Variants in PDZD4 observed in about 807,000 individuals in gnomAD.
PDZD4 encodes the protein PDZ domain containing 4, also known as PDZ domain-containing protein 4.
A neutral mutation model predicts 38.5 loss-of-function variants in PDZD4; 9 were observed. The ratio of observed to expected loss-of-function variants is 0.23; its 90% CI spans 0.14 to 0.41. The LOEUF (loss-of-function observed/expected upper bound fraction) is 0.41, where lower values mean the gene tolerates loss of function less well. Ranked by LOEUF, PDZD4 falls within the 10% of genes least tolerant of loss-of-function variation. The pLI is 1.00. For synonymous variants in PDZD4, 349 were observed against 315.7 expected, an observed-to-expected ratio of 1.11 and a Z score of -1.12; for missense variants, 612 against 722.0, an observed-to-expected ratio of 0.85 and a Z score of 1.75.
chrX:153,807,025 G>A (rs1029516770), intron 3 of PDZD4, among the ~76,000 whole-genome samples, 185 bp from the exon 4 acceptor site: 1 of 112,278 alleles, frequency 8.9e-6, no homozygotes, highest in Non-Finnish European at 1.9e-5. Context: ...ACCATCCCAC[G>A]TGGCGCACGT....
In PDZD4 at chrX:153,806,548, C is replaced by A. The variant is rs181412873; in HGVS notation, c.504+194G>T. On this transcript the variant is annotated intron_variant, in intron 4 of 7. Coordinates refer to ENST00000393758, the MANE Select transcript of PDZD4 (RefSeq NM_001303512.2). ...TTCTCAGGCCCATCTGCTGTCCCAC[C>A]CAGGCACAGGCCTCTTTCTGCAGAT... Among the ~76,000 whole-genome samples the A allele has an allele frequency of 1.2e-4, 14 of 112,668 alleles. No homozygotes were observed. In the East Asian group the frequency reaches 3.9e-3, roughly 32 times the overall value.
intron 1 of PDZD4, among the ~76,000 whole-genome samples, chrX:153,826,748 C>G (rs1325385275): frequency 9.0e-6 from 1 of 111,532 alleles, no homozygotes; most frequent in East Asian, 2.8e-4. Context: ...AATGAGAAGG[C>G]TGAAAGTAAA....
At position 153,802,713 on chromosome X, in the gene PDZD4, C is replaced by A. The variant is rs1471158325; in HGVS notation, c.*640G>T. ...CCTTCCCTCCCATCCATCCCCAGCC[C>A]TCCCTCCCACTCTTCCTCCCCAACT... is the stretch of plus-strand genomic sequence containing the variant. On this transcript the variant is annotated 3_prime_UTR_variant, in exon 8 of 8. Transcript: ENST00000393758. 9.0e-6 allele frequency: 1 copy of A among 110,698 alleles called. No homozygotes were observed. Among genetic ancestry groups the A allele is most frequent in the African/African-American group, 3.3e-5 (1 of 30,305 alleles). 9.1% of individuals were successfully genotyped at this position (110,698 alleles called of 1,213,427 possible).
chrX:153,824,477 CG>C (rs1429157444), intron 1 of PDZD4, among the ~76,000 whole-genome samples: 3 of 111,025 alleles, frequency 2.7e-5, no homozygotes, highest in Non-Finnish European at 5.7e-5. Context: ...GCTGGTGAGG[CG>C]GGGAGGCAGA....
chrX:153,824,933 G>A (rs1361794718), intron 1 of PDZD4, among the ~76,000 whole-genome samples: 1 of 112,347 alleles, frequency 8.9e-6, no homozygotes, highest in Non-Finnish European at 1.9e-5. Context: ...TGGAGGCGGA[G>A]GTTTTGGTGA....
chrX:153,824,637 G>A (rs782220783), intron 1 of PDZD4, among the ~76,000 whole-genome samples: 1 of 111,612 alleles, frequency 9.0e-6, no homozygotes, highest in South Asian at 3.7e-4. Context: ...CCACGCTCCC[G>A]CACTCAAGCA....
intron 1 of PDZD4, among the ~76,000 whole-genome samples, chrX:153,827,143 G>A (rs1238412150): frequency 8.9e-6 from 1 of 112,213 alleles, no homozygotes; most frequent in Non-Finnish European, 1.9e-5. Context: ...TTCTAAAGAA[G>A]ATCCACAAAT....
In PDZD4 at chrX:153,803,346, G is replaced by T; in HGVS notation, c.*7C>A. The T allele has an allele frequency of 8.9e-7, 1 of 1,129,378 alleles. No homozygotes were observed. The highest frequency in any genetic ancestry group is 1.2e-6 in the Non-Finnish European group (1 of 860,128). The allele number at this position is 1,129,378 out of a possible 1,213,427, so 93.1% of individuals were successfully genotyped here. On this transcript the variant is annotated 3_prime_UTR_variant, in exon 8 of 8. Transcript: ENST00000393758. The stretch of plus-strand genomic sequence containing the variant: ...CTGGGCCTGGGCCGTGTACCCGCCC[G>T]GGCAGCTCACACGGTGGTGACTGAG...
At chrX:153,816,607 C>G (rs782124517) in intron 1 of PDZD4, among the ~76,000 whole-genome samples, 1 of 111,575 alleles carries the variant, frequency 9.0e-6, no homozygotes, top group African/African-American at 3.3e-5. Flanking sequence ...ACACACCCCC[C>G]ATCCCGTTCC....
intron 1 of PDZD4, among the ~76,000 whole-genome samples, chrX:153,812,630 A>G (rs1470251542): frequency 1.8e-5 from 2 of 110,496 alleles, no homozygotes; most frequent in African/African-American, 3.3e-5. Context: ...TCTCCTCCTC[A>G]TCGGTCATGC....
In PDZD4 at chrX:153,803,702, C is replaced by G; in HGVS notation, c.1979G>C (p.Arg660Pro). ...GGTCGTCATACCGCTGCGCTCCTCC[C>G]GGATCTTCAGGGCACGGGCTTTCAG... Reference protein sequence around the residue: ...RLLKARALKIREERSGMTTDD... With the variant: ...RLLKARALKIPEERSGMTTDD... The change falls in exon 8 of 8, where the codon CGG becomes CCG. Residue 660 changes from arginine to proline, a missense_variant. By Grantham distance (103) the Arg-to-Pro change is moderately radical. Transcript: ENST00000393758. The G allele has an allele frequency of 8.3e-7, 1 of 1,210,347 alleles. No individual in the cohort carries two copies. Among genetic ancestry groups the G allele is most frequent in the Non-Finnish European group, 1.1e-6 (1 of 895,562 alleles).
At chrX:153,825,674 C>G (rs782381043) in intron 1 of PDZD4, among the ~76,000 whole-genome samples, 1 of 112,426 alleles carries the variant, frequency 8.9e-6, no homozygotes, top group Non-Finnish European at 1.9e-5. Context: ...ATGTGGTCAT[C>G]TCACTAGCCA....
At chrX:153,821,557 C>T (rs181608060) in intron 1 of PDZD4, among the ~76,000 whole-genome samples, 1 of 111,334 alleles carries the variant, frequency 9.0e-6, no homozygotes, top group East Asian at 2.8e-4. Flanking sequence ...ACTCCCGGTC[C>T]CTACCCAAGG....
Position 153,803,343 on chromosome X carries a change from C to T in PDZD4, c.*10G>A. ...TCCCTGGGCCTGGGCCGTGTACCCG[C>T]CCGGGCAGCTCACACGGTGGTGACT... On this transcript the variant is annotated 3_prime_UTR_variant, in exon 8 of 8. Transcript: ENST00000393758. 8.9e-7 allele frequency: 1 copy of T among 1,129,448 alleles called. No individual in the cohort carries two copies. The highest frequency in any genetic ancestry group is 1.2e-6 in the Non-Finnish European group (1 of 860,529). 93.1% of individuals were successfully genotyped at this position (1,129,448 alleles called of 1,213,427 possible). A position where few individuals can be genotyped will look rare whatever the true frequency, so the allele number is the denominator to read the frequency against.
intron 1 of PDZD4, among the ~76,000 whole-genome samples, chrX:153,821,207 C>T (rs1485629745): frequency 1.8e-5 from 2 of 110,932 alleles, no homozygotes; most frequent in Non-Finnish European, 3.8e-5. Context: ...GAGACAGAAA[C>T]ATGGGAGGGC....
chrX:153,805,786 A>C (rs1305517087), intron 5 of PDZD4, among the ~76,000 whole-genome samples, 180 bp from the exon 6 acceptor site: 2 of 112,263 alleles, frequency 1.8e-5, no homozygotes, highest in Non-Finnish European at 3.8e-5. Flanking sequence ...TTGCAAGAGC[A>C]AATGTGTGCT....
chrX:153,816,819 C>G, intron 1 of PDZD4, among the ~76,000 whole-genome samples: 1 of 111,558 alleles, frequency 9.0e-6, no homozygotes, highest in Non-Finnish European at 1.9e-5. Context: ...CAGCAGGCAA[C>G]GGCAGTGGTC....
rs782156569 is a variant in PDZD4 at position 153,826,841 on chromosome X, T to C, written c.60+3398A>G. ...TTAAACAAAAGTGCAAAACATCATG[T>C]AAAGAAATTAAAGACCTAAATAAAT... On this transcript the variant is annotated intron_variant, in intron 1 of 7. Coordinates refer to ENST00000393758, the MANE Select transcript of PDZD4 (RefSeq NM_001303512.2). Among the ~76,000 whole-genome samples the C allele has an allele frequency of 2.4e-4, 27 of 111,969 alleles. No homozygotes were observed. The East Asian group carries it at 4.4e-3, about 18-fold the overall frequency.
chrX:153,804,721 C>T lies in PDZD4; in HGVS notation c.960G>A (p.Lys320=). The T allele has an allele frequency of 8.3e-7, 1 of 1,201,987 alleles. No homozygotes were observed. The highest frequency in any genetic ancestry group is 1.1e-6 in the Non-Finnish European group (1 of 890,531). ...SSTNTPGSLR[K]FGLQGDALQS... ...GCAGGGCGTCCCCTTGCAGGCCAAA[C>T]TTGCGCAGGCTTCCCGGGGTGTTGG... Residue 320 remains lysine (K), a synonymous_variant, in exon 8 of 8, where the codon AAG becomes AAA. Coordinates refer to ENST00000393758, the MANE Select transcript of PDZD4 (RefSeq NM_001303512.2).
Sources: gnomAD v4.1 joint callset for allele counts (sites outside exome capture counted in the v4.1 genomes callset) on GRCh38, gnomAD v4.1.1 for gene constraint, MANE v1.5 for transcripts, NCBI Gene and HGNC (gene_info 2026-07-23, HGNC 2026-07-21) for gene names.